The following CADM2 variants were observed in gnomAD, a reference collection of about 807,000 sequenced individuals.
CADM2 encodes the protein immunoglobulin superfamily member 4D.
Under a neutral mutation model 49.8 loss-of-function variants are expected in CADM2, and 12 were observed. The observed-to-expected ratio is 0.24, with a 90% CI of 0.15 to 0.39. The LOEUF (loss-of-function observed/expected upper bound fraction) is 0.39. CADM2 is among the 10% of genes least tolerant of loss of function. The probability of loss-of-function intolerance (pLI) is 1.00; values close to 1 mark genes in which losing one functional copy is unlikely to be tolerated. For missense variants in CADM2, 378 were observed against 492.3 expected (o/e 0.77, Z 2.20); for synonymous variants, 214 against 175.4 (o/e 1.22, Z -1.74).
chr3:85,488,703 T>C (rs140276951), intron 1 of CADM2, among the ~76,000 whole-genome samples: 4 of 152,198 alleles, frequency 2.6e-5, no homozygotes, highest in African/African-American at 7.2e-5. Context: ...AGCTAATTTT[T>C]GTATTTTTAG....
At chr3:85,552,865 A>G (rs2061848498) in intron 1 of CADM2, among the ~76,000 whole-genome samples, 1 of 151,066 alleles carries the variant, frequency 6.6e-6, no homozygotes, top group African/African-American at 2.4e-5. Context: ...TTTAGTAGAG[A>G]CAAGGATTTC....
rs1015877012 is a variant in CADM2 at position 86,072,303 on chromosome 3, TTATA to T, written c.*5529_*5532del. 2 of 151,346 alleles carry T rather than the reference TTATA, an allele frequency of 1.3e-5. No individual in the cohort carries two copies. The highest frequency in any genetic ancestry group is 3.9e-4 in the East Asian group (2 of 5,174). 9.4% of individuals were successfully genotyped at this position (151,346 alleles called of 1,614,324 possible). A position where few individuals can be genotyped will look rare whatever the true frequency, so the allele number is the denominator to read the frequency against. ...TTATATGCATATATATATCAAGAAG[TTATA>T]TATATATAACTCAAGAAACTCAAGT... On this transcript the variant is annotated 3_prime_UTR_variant, in exon 10 of 10. Transcript: ENST00000383699.
intron 1 of CADM2, among the ~76,000 whole-genome samples, chr3:85,705,526 A>T (rs1294336482): frequency 2.6e-5 from 4 of 152,228 alleles, no homozygotes; most frequent in Admixed American, 6.5e-5. Flanking sequence ...TTTTAATAAA[A>T]GTATGTAGAT....
At chr3:85,586,983 G>A (rs1343836232) in intron 1 of CADM2, among the ~76,000 whole-genome samples, 2 of 152,022 alleles carry the variant, frequency 1.3e-5, no homozygotes, top group Non-Finnish European at 2.9e-5. Flanking sequence ...TACATGGAAG[G>A]CCAAACAAAG....
At chr3:85,486,564 C>T (rs964250930) in intron 1 of CADM2, among the ~76,000 whole-genome samples, 2 of 151,968 alleles carry the variant, frequency 1.3e-5, no homozygotes, top group Non-Finnish European at 2.9e-5. Context: ...CTATCCTTTC[C>T]CATTCTCTAT....
intron 1 of CADM2, among the ~76,000 whole-genome samples, chr3:85,347,586 T>TAA (rs1271774263): frequency 3.9e-5 from 4 of 101,664 alleles, no homozygotes; most frequent in Admixed American, 1.0e-4. Flanking sequence ...TATACATATA[T>TAA]ACATATATAT....
intron 1 of CADM2, among the ~76,000 whole-genome samples, chr3:84,984,862 G>A (rs2032458548): frequency 1.3e-5 from 2 of 152,154 alleles, no homozygotes; most frequent in Non-Finnish European, 2.9e-5. Flanking sequence ...ACATTAATGG[G>A]TAAATGAGTG....
chr3:85,105,796 G>C (rs1184028161), intron 1 of CADM2, among the ~76,000 whole-genome samples: 1 of 152,118 alleles, frequency 6.6e-6, no homozygotes, highest in Non-Finnish European at 1.5e-5. Context: ...CCTTTGTAGG[G>C]ACATGGATGA....
intron 1 of CADM2, among the ~76,000 whole-genome samples, chr3:84,996,745 A>G (rs905460260): frequency 6.6e-6 from 1 of 152,082 alleles, no homozygotes; most frequent in African/African-American, 2.4e-5. Context: ...TTTTCTTCTA[A>G]GTTAATTAGA....
intron 1 of CADM2, among the ~76,000 whole-genome samples, chr3:85,711,160 C>A (rs1234664838): frequency 6.6e-6 from 1 of 151,982 alleles, no homozygotes; most frequent in African/African-American, 2.4e-5. Context: ...CAAACATTTT[C>A]TTTGTGAATG....
At chr3:85,462,901 T>C (rs893214748) in intron 1 of CADM2, among the ~76,000 whole-genome samples, 5 of 152,098 alleles carry the variant, frequency 3.3e-5, no homozygotes, top group Admixed American at 3.3e-4. Context: ...GTTAACCTAG[T>C]AGTTGTAGTT....
intron 5 of CADM2, among the ~76,000 whole-genome samples, chr3:85,911,623 C>T (rs1717603707): frequency 1.3e-5 from 2 of 152,138 alleles, no homozygotes; most frequent in Admixed American, 1.3e-4. Context: ...TCACATTGTT[C>T]ATGTTAAAGT....
intron 1 of CADM2, among the ~76,000 whole-genome samples, chr3:85,448,202 G>A (rs1362796287): frequency 2.0e-5 from 3 of 151,590 alleles, no homozygotes; most frequent in African/African-American, 4.8e-5. Flanking sequence ...GCGTGGTGGC[G>A]GGCGCCTGTA....
At chr3:85,931,750 T>G (rs2108528673) in intron 6 of CADM2, among the ~76,000 whole-genome samples, 1 of 151,942 alleles carries the variant, frequency 6.6e-6, no homozygotes, top group South Asian at 2.1e-4. Context: ...TGAAACACAT[T>G]TATTAAAGAA....
chr3:85,455,546 G>C (rs868590228), intron 1 of CADM2, among the ~76,000 whole-genome samples: 22 of 152,110 alleles, frequency 1.4e-4, no homozygotes, highest in African/African-American at 4.6e-4. Context: ...TGATAGCATG[G>C]GAAAAATATG....
intron 1 of CADM2, among the ~76,000 whole-genome samples, chr3:85,151,287 T>C (rs901141154): frequency 1.3e-5 from 2 of 152,168 alleles, no homozygotes; most frequent in Non-Finnish European, 1.5e-5. Context: ...TGAGAAACTC[T>C]TCCTCTTAAA....
intron 1 of CADM2, among the ~76,000 whole-genome samples, chr3:85,191,112 G>A (rs1005874042): frequency 6.6e-6 from 1 of 151,982 alleles, no homozygotes; most frequent in African/African-American, 2.4e-5. Flanking sequence ...TAGTACAGAT[G>A]TAGGCCAGGT....
At chr3:85,171,935 A>G (rs1030171264) in intron 1 of CADM2, among the ~76,000 whole-genome samples, 3 of 152,216 alleles carry the variant, frequency 2.0e-5, no homozygotes, top group Non-Finnish European at 4.4e-5. Context: ...TTACACTGCA[A>G]AAAGACTATA....
chr3:85,328,108 A>C (rs2044806225), intron 1 of CADM2, among the ~76,000 whole-genome samples: 1 of 152,212 alleles, frequency 6.6e-6, no homozygotes, highest in Admixed American at 6.5e-5. Context: ...AATATGACTT[A>C]GTCCTATTCT....
Sources: allele counts gnomAD v4.1 joint callset (sites outside exome capture counted in the v4.1 genomes callset), GRCh38; gene constraint gnomAD v4.1.1; transcripts MANE v1.5; gene names NCBI Gene and HGNC (gene_info 2026-07-23, HGNC 2026-07-21).